Variants in LRMDA observed in about 807,000 individuals in gnomAD.
LRMDA encodes leucine rich melanocyte differentiation associated.
In LRMDA, 18 loss-of-function variants were observed where a neutral mutation model predicts 29.8. The ratio of observed to expected loss-of-function variants is 0.60; its 90% CI spans 0.42 to 0.90. LRMDA has a LOEUF of 0.90. Among genes scored for constraint, LRMDA ranks in the 40% least tolerant of loss-of-function variants. The probability of loss-of-function intolerance (pLI) is 0.00; values close to 1 mark genes in which losing one functional copy is unlikely to be tolerated. For synonymous variants in LRMDA, 125 were observed against 109.4 expected (o/e 1.14, Z -0.89); for missense variants, 273 against 273.9 (o/e 1.00, Z 0.02).
intron 2 of LRMDA, among the ~76,000 whole-genome samples, chr10:75,957,591 C>T (rs1197852689): frequency 6.6e-6 from 1 of 152,146 alleles, no homozygotes; most frequent in African/African-American, 2.4e-5. Flanking sequence ...TTCCTTGCCC[C>T]AGTACAGTTT....
intron 2 of LRMDA, among the ~76,000 whole-genome samples, chr10:75,719,913 T>C (rs890397891): frequency 9.9e-5 from 15 of 152,202 alleles, no homozygotes; most frequent in African/African-American, 2.9e-4. Flanking sequence ...CCTGGATGTT[T>C]TAATGTTGGA....
At chr10:75,983,466 T>G (rs1847209260) in intron 2 of LRMDA, among the ~76,000 whole-genome samples, 1 of 152,188 alleles carries the variant, frequency 6.6e-6, no homozygotes, top group African/African-American at 2.4e-5. Flanking sequence ...TACCTGTCAT[T>G]GAATCCTTCA....
intron 5 of LRMDA, among the ~76,000 whole-genome samples, chr10:76,180,115 C>A (rs192223965): frequency 2.2e-4 from 33 of 151,650 alleles, no homozygotes; most frequent in African/African-American, 7.0e-4. Flanking sequence ...GCGTTAGTTT[C>A]GATTTTGGGT....
At chr10:75,829,980 C>T (rs890883117) in intron 2 of LRMDA, among the ~76,000 whole-genome samples, 2 of 151,740 alleles carry the variant, frequency 1.3e-5, no homozygotes, top group African/African-American at 4.8e-5. Flanking sequence ...GAAAGGGCTT[C>T]CCTCCTTCCA....
intron 6 of LRMDA, among the ~76,000 whole-genome samples, chr10:76,370,431 T>C (rs1415472349): frequency 6.6e-6 from 1 of 152,198 alleles, no homozygotes; most frequent in Admixed American, 6.5e-5. Flanking sequence ...TTGTATTCAC[T>C]ATGAAGTCCT....
chr10:76,008,400 C>CTT (rs556888742), intron 2 of LRMDA, among the ~76,000 whole-genome samples: 2 of 149,658 alleles, frequency 1.3e-5, no homozygotes, highest in East Asian at 2.0e-4. Context: ...AGTTTAAACA[C>CTT]TTTTTTTTTT....
intron 6 of LRMDA, chr10:76,556,468 C>T (rs2132400962): frequency 6.6e-6 from 1 of 152,316 alleles, no homozygotes; most frequent in East Asian, 1.9e-4. Context: ...TCTCCTGCCT[C>T]AGCCTCCCGA....
chr10:76,509,787 G>A (rs1046777569), intron 6 of LRMDA, among the ~76,000 whole-genome samples: 1 of 152,142 alleles, frequency 6.6e-6, no homozygotes. Context: ...CAACACTCAG[G>A]TCACTGTAAG....
chr10:75,566,836 A>G (rs1256095039), intron 2 of LRMDA, among the ~76,000 whole-genome samples: 1 of 152,158 alleles, frequency 6.6e-6, no homozygotes, highest in Admixed American at 6.5e-5. Context: ...CTGGAACCTC[A>G]GAAATACTCC....
chr10:75,929,528 T>C (rs913463809), intron 2 of LRMDA, among the ~76,000 whole-genome samples: 3 of 152,168 alleles, frequency 2.0e-5, no homozygotes, highest in African/African-American at 7.2e-5. Flanking sequence ...CCAAGTTACA[T>C]GGCTAACAGT....
intron 6 of LRMDA, among the ~76,000 whole-genome samples, chr10:76,489,492 T>G (rs1014024894): frequency 2.0e-5 from 3 of 151,980 alleles, no homozygotes; most frequent in African/African-American, 4.8e-5. Context: ...TTTGTATTGT[T>G]TTTGCATTTC....
chr10:76,541,658 T>G (rs1843357205), intron 6 of LRMDA, among the ~76,000 whole-genome samples: 1 of 152,132 alleles, frequency 6.6e-6, no homozygotes, highest in Non-Finnish European at 1.5e-5. Flanking sequence ...AGGCTTTTGT[T>G]TTGGCATTTA....
chr10:75,667,250 A>C (rs1223109229), intron 2 of LRMDA, among the ~76,000 whole-genome samples: 2 of 150,358 alleles, frequency 1.3e-5, no homozygotes, highest in Non-Finnish European at 3.0e-5. Context: ...ATAAAATTTT[A>C]TGAACATAGG....
At chr10:75,777,158 G>C (rs1319612155) in intron 2 of LRMDA, among the ~76,000 whole-genome samples, 1 of 152,194 alleles carries the variant, frequency 6.6e-6, no homozygotes, top group Non-Finnish European at 1.5e-5. Flanking sequence ...CAGAGTACAG[G>C]CTGCCGAGCT....
chr10:76,000,872 T>G (rs530353386), intron 2 of LRMDA, among the ~76,000 whole-genome samples: 29 of 152,246 alleles, frequency 1.9e-4, no homozygotes, highest in Admixed American at 1.5e-3. Flanking sequence ...GTTGAGAGTC[T>G]GCTTCCCTCC....
chr10:76,544,627 C>T (rs1227235929), intron 6 of LRMDA, among the ~76,000 whole-genome samples: 3 of 151,950 alleles, frequency 2.0e-5, no homozygotes, highest in African/African-American at 7.3e-5. Context: ...CTCTTATAAC[C>T]TGCTTTCTAC....
At chr10:76,006,658 T>C (rs1416559730) in intron 2 of LRMDA, among the ~76,000 whole-genome samples, 1 of 152,194 alleles carries the variant, frequency 6.6e-6, no homozygotes, top group Non-Finnish European at 1.5e-5. Context: ...ATTGAGGTAC[T>C]TTGAATTACT....
chr10:76,478,008 TA>T (rs1842694870), intron 6 of LRMDA, among the ~76,000 whole-genome samples: 1 of 152,044 alleles, frequency 6.6e-6, no homozygotes, highest in African/African-American at 2.4e-5. Context: ...ACTTCATGTC[TA>T]AAACACCAAA....
chr10:75,574,614 CCTT>C (rs1439417558), intron 2 of LRMDA, among the ~76,000 whole-genome samples: 1 of 152,086 alleles, frequency 6.6e-6, no homozygotes, highest in Non-Finnish European at 1.5e-5. Context: ...CTTCATAGGC[CCTT>C]CTTCTTCCCC....
Sources: allele counts gnomAD v4.1 joint callset (sites outside exome capture counted in the v4.1 genomes callset), GRCh38; gene constraint gnomAD v4.1.1; transcripts MANE v1.5; gene names NCBI Gene and HGNC (gene_info 2026-07-23, HGNC 2026-07-21).